The following NDC1 variants were observed in gnomAD, a reference collection of about 807,000 sequenced individuals.
NDC1 encodes nucleoporin NDC1.
In NDC1, 24 loss-of-function variants were observed where a neutral mutation model predicts 89.8. That is an observed-to-expected ratio of 0.27 (90% CI 0.19 to 0.38). The LOEUF (loss-of-function observed/expected upper bound fraction) is 0.38. Among genes scored for constraint, NDC1 ranks in the 10% least tolerant of loss-of-function variants. The pLI is 1.00. For missense variants in NDC1, 728 were observed against 797.6 expected, an observed-to-expected ratio of 0.91 and a Z score of 1.05; for synonymous variants, 296 against 284.8, an observed-to-expected ratio of 1.04 and a Z score of -0.39.
At chr1:53,807,043 G>C (rs373639544) in intron 8 of NDC1, among the ~76,000 whole-genome samples, 14 of 151,624 alleles carry the variant, frequency 9.2e-5, no homozygotes, top group Non-Finnish European at 1.8e-4. Context: ...TCAGGAGTTC[G>C]GCACCAACCT....
rs778562994 is a variant in NDC1, at chr1:53,832,507, T to C, written c.263A>G (p.Asn88Ser). ...AAACTCACCTGCATAGAACTCCACA[T>C]TGAAAATACTTATTATTATTATTAC... ...SVVIIIISIFNVEFYAVVPSI... is the reference protein window; with the variant it reads ...SVVIIIISIFSVEFYAVVPSI... Residue 88 changes from asparagine to serine, a missense_variant, in exon 3 of 18, where the codon AAT (asparagine) becomes AGT (serine). Transcript: ENST00000371429. 1.3e-5 allele frequency: 21 copies of C among 1,578,994 alleles called. No homozygotes were observed. The highest frequency in any genetic ancestry group is 1.7e-4 in the Middle Eastern group (1 of 5,988).
At chr1:53,801,291 C>T (rs1014205044) in intron 10 of NDC1, among the ~76,000 whole-genome samples, 6 of 152,118 alleles carry the variant, frequency 3.9e-5, no homozygotes, top group Admixed American at 2.6e-4. Flanking sequence ...GACCTCTAAA[C>T]TTTTGCGTCT....
chr1:53,816,314 T>C (rs1648474779), intron 6 of NDC1, among the ~76,000 whole-genome samples: 1 of 152,140 alleles, frequency 6.6e-6, no homozygotes, highest in African/African-American at 2.4e-5. Context: ...AGCCAACTGA[T>C]CTTCGACAAA....
intron 6 of NDC1, among the ~76,000 whole-genome samples, chr1:53,817,137 G>A (rs935186562): frequency 1.3e-5 from 2 of 152,312 alleles, no homozygotes; most frequent in East Asian, 3.9e-4. Context: ...TCCCACTACT[G>A]CGTATCTACT....
At chr1:53,776,162 G>T (rs1307024787) in intron 16 of NDC1, among the ~76,000 whole-genome samples, 1 of 152,028 alleles carries the variant, frequency 6.6e-6, no homozygotes, top group African/African-American at 2.4e-5. Flanking sequence ...TCACCATGTT[G>T]GCCAGGCTGG....
At chr1:53,819,275 T>A (rs1439412087) in intron 5 of NDC1, among the ~76,000 whole-genome samples, 196 bp from the exon 6 acceptor site, 1 of 152,310 alleles carries the variant, frequency 6.6e-6, no homozygotes, top group South Asian at 2.1e-4. Flanking sequence ...TTATTCAACA[T>A]CTCACTGATA....
chr1:53,837,779 AC>A (rs905526892), intron 1 of NDC1, among the ~76,000 whole-genome samples: 1 of 152,216 alleles, frequency 6.6e-6, no homozygotes, highest in Non-Finnish European at 1.5e-5. Context: ...ATTCTACCTT[AC>A]AAAGAACACC....
intron 4 of NDC1, among the ~76,000 whole-genome samples, chr1:53,827,154 T>C (rs566871036): frequency 6.6e-6 from 1 of 151,558 alleles, no homozygotes; most frequent in South Asian, 2.1e-4. Flanking sequence ...ACCTGCCTTA[T>C]ATAATAGTAG....
At chr1:53,833,857 A>G (rs1427525809) in intron 2 of NDC1, among the ~76,000 whole-genome samples, 1 of 150,566 alleles carries the variant, frequency 6.6e-6, no homozygotes, top group Non-Finnish European at 1.5e-5. Flanking sequence ...ATGGAGTCTC[A>G]CTCTGTCACC....
intron 6 of NDC1, among the ~76,000 whole-genome samples, chr1:53,810,498 T>C (rs776123141): frequency 1.2e-4 from 18 of 145,764 alleles, no homozygotes; most frequent in Non-Finnish European, 2.1e-4. Context: ...GAATTGAACA[T>C]AAATGAAGTT....
In NDC1 at chr1:53,792,221, T is replaced by C. The variant is rs149792037; in HGVS notation, c.1635+1008A>G. Among the ~76,000 whole-genome samples the C allele has an allele frequency of 4.8e-3, 726 of 152,276 alleles. 8 individuals are homozygous for C. Among genetic ancestry groups the C allele is most frequent in the East Asian group, 6.2e-3 (32 of 5,176 alleles). On this transcript the variant is annotated intron_variant, in intron 14 of 17. Coordinates refer to ENST00000371429, the MANE Select transcript of NDC1 (RefSeq NM_018087.5). The stretch of plus-strand genomic sequence containing the variant: ...CCTCCAAAAGTGCTGGGATTACAGG[T>C]GTGAGCCACCATGCCCGGCCTTTCC...
At chr1:53,804,315 A>G (rs1426035542) in intron 9 of NDC1, among the ~76,000 whole-genome samples, 1 of 152,186 alleles carries the variant, frequency 6.6e-6, no homozygotes, top group African/African-American at 2.4e-5. Context: ...ACACAAACAT[A>G]CACTCACATA....
chr1:53,813,231 G>A (rs1039056869), intron 6 of NDC1, among the ~76,000 whole-genome samples: 14 of 152,038 alleles, frequency 9.2e-5, no homozygotes, highest in African/African-American at 3.4e-4. Context: ...AAACAAACAA[G>A]TACACAGGCA....
chr1:53,831,344 T>C (rs1649059562), intron 3 of NDC1, among the ~76,000 whole-genome samples: 1 of 152,006 alleles, frequency 6.6e-6, no homozygotes, highest in Admixed American at 6.5e-5. Flanking sequence ...TGTTAGCACA[T>C]ATGGAACATG....
At position 53,766,857 on chromosome 1, in the gene NDC1, C is replaced by G. The variant is rs541470202; in HGVS notation, c.*1113G>C. ...CAGTGAATATCTATGACTAGGATTTCCAATCTTTGATCTCCAAAGAAGCTG... is the reference window on the plus strand; with the variant it reads ...CAGTGAATATCTATGACTAGGATTTGCAATCTTTGATCTCCAAAGAAGCTG... On this transcript the variant is annotated 3_prime_UTR_variant, in exon 18 of 18. Coordinates refer to ENST00000371429, the MANE Select transcript of NDC1 (RefSeq NM_018087.5). 7 of 152,268 alleles carry G rather than the reference C, an allele frequency of 4.6e-5. No individual in the cohort carries two copies. The East Asian group carries it at 9.6e-4, about 21-fold the overall frequency. 9.4% of individuals were successfully genotyped at this position (152,268 alleles called of 1,614,324 possible). A position where few individuals can be genotyped will look rare whatever the true frequency, so the allele number is the denominator to read the frequency against.
intron 3 of NDC1, among the ~76,000 whole-genome samples, chr1:53,830,278 A>C (rs1649012100): frequency 6.6e-6 from 1 of 151,988 alleles, no homozygotes; most frequent in Non-Finnish European, 1.5e-5. Context: ...ACATGGTGAA[A>C]CCCCGTCTCT....
At chr1:53,815,915 A>C (rs978083044) in intron 6 of NDC1, among the ~76,000 whole-genome samples, 5 of 152,214 alleles carry the variant, frequency 3.3e-5, no homozygotes, top group Non-Finnish European at 7.3e-5. Flanking sequence ...AGATCTCTAC[A>C]AGGAAAACTA....
intron 6 of NDC1, among the ~76,000 whole-genome samples, chr1:53,814,141 CAGG>C (rs1353368914): frequency 2.6e-5 from 4 of 152,076 alleles, no homozygotes; most frequent in Non-Finnish European, 5.9e-5. Flanking sequence ...ATCACGAGGT[CAGG>C]AGATCGAGAC....
chr1:53,777,147 C>T (rs1175477522), intron 16 of NDC1, among the ~76,000 whole-genome samples: 1 of 152,012 alleles, frequency 6.6e-6, no homozygotes, highest in African/African-American at 2.4e-5. Context: ...AGCCTCCTCA[C>T]TATTAGAGGC....
Sources: gnomAD v4.1 joint callset for allele counts (sites outside exome capture counted in the v4.1 genomes callset) on GRCh38, gnomAD v4.1.1 for gene constraint, MANE v1.5 for transcripts, NCBI Gene and HGNC (gene_info 2026-07-23, HGNC 2026-07-21) for gene names.